Variants in ITGB5 observed in about 807,000 individuals in gnomAD.
ITGB5 encodes integrin subunit beta 5, also known as integrin beta-5.
A neutral mutation model predicts 84.8 loss-of-function variants in ITGB5; 38 were observed. That is an observed-to-expected ratio of 0.45 (90% CI 0.35 to 0.59). The LOEUF (loss-of-function observed/expected upper bound fraction) is 0.59. Ranked by LOEUF, ITGB5 falls within the 20% of genes least tolerant of loss-of-function variation. ITGB5 has a pLI of 0.01. For missense variants in ITGB5, 905 were observed against 1,034.5 expected (o/e 0.87, Z 1.72); for synonymous variants, 393 against 414.4 (o/e 0.95, Z 0.63).
At chr3:124,850,572 T>C (rs951820919) in intron 3 of ITGB5, among the ~76,000 whole-genome samples, 8 of 146,078 alleles carry the variant, frequency 5.5e-5, no homozygotes, top group Non-Finnish European at 7.5e-5. Context: ...AGGGATAGCA[T>C]TGGGAGATAT....
intron 10 of ITGB5, among the ~76,000 whole-genome samples, chr3:124,786,300 G>T (rs1357116607): frequency 6.6e-6 from 1 of 152,128 alleles, no homozygotes; most frequent in East Asian, 1.9e-4. Context: ...ACTTTGGAAG[G>T]CTGAGAAGGG....
intron 7 of ITGB5, among the ~76,000 whole-genome samples, chr3:124,818,801 A>T (rs2064651166): frequency 6.6e-6 from 1 of 152,220 alleles, no homozygotes; most frequent in South Asian, 2.1e-4. Context: ...TATAAGTGGC[A>T]TTTTATCAGT....
intron 4 of ITGB5, among the ~76,000 whole-genome samples, chr3:124,846,770 C>T (rs955943434): frequency 1.3e-5 from 2 of 152,112 alleles, no homozygotes; most frequent in Non-Finnish European, 2.9e-5. Context: ...CCCATCTCTA[C>T]TAAAAATACA....
intron 1 of ITGB5, among the ~76,000 whole-genome samples, chr3:124,879,482 A>G (rs1347289286): frequency 6.6e-6 from 1 of 152,238 alleles, no homozygotes; most frequent in Non-Finnish European, 1.5e-5. Flanking sequence ...CCAGCAACTA[A>G]ATAGCCATAT....
intron 10 of ITGB5, among the ~76,000 whole-genome samples, chr3:124,777,101 C>T (rs2063937530): frequency 6.6e-6 from 1 of 152,100 alleles, no homozygotes; most frequent in South Asian, 2.1e-4. Flanking sequence ...TGAGTGTGCC[C>T]CTGACCTAGG....
chr3:124,841,420 C>G lies in ITGB5; in HGVS notation c.743G>C (p.Gly248Ala), dbSNP rs202235430. 5.0e-6 allele frequency: 8 copies of G among 1,614,098 alleles called. No homozygotes were observed. The African/African-American group carries it at 9.3e-5, about 19-fold the overall frequency. ...TGCCTGGAGTACTGCATCAAAGCCC[C>G]CCTCAGGGGCATCTCGGTTCCGGGA... The part of the protein sequence containing the change: ...RVSRNRDAPE[G>A]GFDAVLQAAV... Residue 248 changes from glycine (G) to alanine (A), a missense_variant, in exon 5 of 15, where the codon GGG becomes GCG. Physicochemically the swap from Gly to Ala is moderately conservative, Grantham distance 60. Coordinates refer to ENST00000296181, the MANE Select transcript of ITGB5 (RefSeq NM_002213.5).
intron 8 of ITGB5, among the ~76,000 whole-genome samples, chr3:124,810,185 A>G (rs1001730597): frequency 6.6e-6 from 1 of 152,242 alleles, no homozygotes; most frequent in African/African-American, 2.4e-5. Flanking sequence ...ATAAAATATG[A>G]CTACATGTAA....
intron 2 of ITGB5, among the ~76,000 whole-genome samples, chr3:124,869,998 C>T (rs1933913509): frequency 1.3e-5 from 2 of 152,248 alleles, no homozygotes; most frequent in Admixed American, 1.3e-4. Flanking sequence ...CAAGTCCTCT[C>T]ATGCACGGAT....
chr3:124,866,276 C>G (rs892034048), intron 2 of ITGB5, among the ~76,000 whole-genome samples: 12 of 152,208 alleles, frequency 7.9e-5, no homozygotes, highest in Non-Finnish European at 1.5e-4. Flanking sequence ...AGCCACCATG[C>G]CCAGCTCCCT....
intron 9 of ITGB5, among the ~76,000 whole-genome samples, chr3:124,806,424 ATTTTTTTTTTTTTTTTTT>A (rs71145488): frequency 1.4e-5 from 1 of 72,774 alleles, no homozygotes; most frequent in Non-Finnish European, 2.6e-5. Context: ...GCCTCATTCC[ATTTTTTTTTTTTTTTTTT>A]TTTTTTTTTG....
chr3:124,891,037 C>T (rs1934989546), upstream of ITGB5, among the ~76,000 whole-genome samples: 1 of 152,172 alleles, frequency 6.6e-6, no homozygotes, highest in African/African-American at 2.4e-5. Flanking sequence ...CATTCCATGT[C>T]TGATCACTGC....
chr3:124,841,665 C>T (rs1184655567), intron 4 of ITGB5, 114 bp from the exon 5 acceptor site: 3 of 927,992 alleles, frequency 3.2e-6, no homozygotes, highest in Non-Finnish European at 4.9e-6. Flanking sequence ...TTACCCAGCA[C>T]CTACCACATG....
At chr3:124,848,840 TG>T (rs1197913225) in intron 3 of ITGB5, among the ~76,000 whole-genome samples, 1 of 152,052 alleles carries the variant, frequency 6.6e-6, no homozygotes, top group African/African-American at 2.4e-5. Flanking sequence ...AGTGCAGTGG[TG>T]CGATCTTGGC....
intron 9 of ITGB5, among the ~76,000 whole-genome samples, chr3:124,798,928 G>C (rs1261134315): frequency 1.3e-5 from 2 of 152,192 alleles, no homozygotes; most frequent in Admixed American, 1.3e-4. Flanking sequence ...CTGCGTGGCA[G>C]CAAACTGCTG....
At chr3:124,774,050 G>C in intron 10 of ITGB5, 138 bp from the exon 11 acceptor site, 1 of 775,002 alleles carries the variant, frequency 1.3e-6, no homozygotes, top group Non-Finnish European at 2.1e-6. Flanking sequence ...TGTTTGGGGA[G>C]ATAGACAGAG....
At chr3:124,781,630 G>A (rs1420302533) in intron 10 of ITGB5, among the ~76,000 whole-genome samples, 3 of 152,182 alleles carry the variant, frequency 2.0e-5, no homozygotes, top group African/African-American at 7.2e-5. Context: ...CTCTTGAAAA[G>A]TTTTGTTCTC....
chr3:124,873,308 G>T (rs1162834707), intron 2 of ITGB5, 138 bp downstream of exon 2: 4 of 725,700 alleles, frequency 5.5e-6, no homozygotes, highest in Non-Finnish European at 1.0e-5. Context: ...ACTCTGCCCT[G>T]ATGGGGAAGA....
At chr3:124,767,979 G>C (rs1192638434) in intron 12 of ITGB5, among the ~76,000 whole-genome samples, 1 of 152,188 alleles carries the variant, frequency 6.6e-6, no homozygotes, top group African/African-American at 2.4e-5. Context: ...TGAGGAAAGA[G>C]GTTTGCCTGA....
At chr3:124,890,707 T>G (rs1159426307), upstream of ITGB5, among the ~76,000 whole-genome samples, 1 of 151,980 alleles carries the variant, frequency 6.6e-6, no homozygotes, top group Non-Finnish European at 1.5e-5. Context: ...CTAGCCCCCC[T>G]CCTATTATCA....
Sources: gnomAD v4.1 joint callset for allele counts (sites outside exome capture counted in the v4.1 genomes callset) on GRCh38, gnomAD v4.1.1 for gene constraint, MANE v1.5 for transcripts, NCBI Gene and HGNC (gene_info 2026-07-23, HGNC 2026-07-21) for gene names.